HHAT: variants seen among roughly 807,000 people sequenced by gnomAD.
HHAT encodes protein-cysteine N-palmitoyltransferase HHAT.
A neutral mutation model predicts 70.8 loss-of-function variants in HHAT; 47 were observed. The ratio of observed to expected loss-of-function variants is 0.66; its 90% CI spans 0.53 to 0.85. HHAT has a LOEUF of 0.85. Among genes scored for constraint, HHAT ranks in the 40% least tolerant of loss-of-function variants. The pLI is 0.00. For missense variants in HHAT, 609 were observed against 604.8 expected, an observed-to-expected ratio of 1.01 and a Z score of -0.07; for synonymous variants, 228 against 247.6, an observed-to-expected ratio of 0.92 and a Z score of 0.74.
chr1:210,447,850 G>A (rs1025049939), intron 7 of HHAT, among the ~76,000 whole-genome samples: 1 of 152,142 alleles, frequency 6.6e-6, no homozygotes, highest in African/African-American at 2.4e-5. Context: ...CTGGGTTAAT[G>A]TGTGTCTACC....
chr1:210,509,461 T>C (rs1004575606), intron 8 of HHAT, among the ~76,000 whole-genome samples: 8 of 152,222 alleles, frequency 5.3e-5, no homozygotes, highest in African/African-American at 1.7e-4. Flanking sequence ...CTGGGGGGTC[T>C]TCTGGCTAAT....
At chr1:210,619,239 C>A (rs548706906) in intron 10 of HHAT, among the ~76,000 whole-genome samples, 2 of 152,214 alleles carry the variant, frequency 1.3e-5, no homozygotes, top group South Asian at 2.1e-4. Context: ...ACTGGTCACC[C>A]CTGCCTGAGA....
intron 10 of HHAT, chr1:210,589,565 T>G (rs751025134): frequency 1.8e-4 from 27 of 152,282 alleles, no homozygotes; most frequent in Non-Finnish European, 2.6e-4. Flanking sequence ...CAGCCCAGTC[T>G]GTAGCCCTGC....
chr1:210,653,744 G>A (rs1317059149), intron 11 of HHAT, among the ~76,000 whole-genome samples: 4 of 152,118 alleles, frequency 2.6e-5, no homozygotes, highest in Admixed American at 1.3e-4. Context: ...GTCAAAAAGA[G>A]ATTAAATTTT....
intron 9 of HHAT, among the ~76,000 whole-genome samples, chr1:210,567,472 G>C (rs980165132): frequency 2.0e-5 from 3 of 152,064 alleles, no homozygotes; most frequent in African/African-American, 7.2e-5. Flanking sequence ...CGCAGTACCT[G>C]GTTCACAGTG....
intron 7 of HHAT, among the ~76,000 whole-genome samples, chr1:210,454,515 C>A (rs1368759954): frequency 6.6e-6 from 1 of 152,206 alleles, no homozygotes; most frequent in Non-Finnish European, 1.5e-5. Flanking sequence ...GATCGTGCCA[C>A]TGCACTCCAG....
intron 1 of HHAT, among the ~76,000 whole-genome samples, chr1:210,338,176 C>T (rs1425576375): frequency 9.5e-6 from 1 of 105,454 alleles, no homozygotes; most frequent in Non-Finnish European, 1.9e-5. Context: ...GTGAGACCCG[C>T]CCCCATTTAA....
intron 3 of HHAT, among the ~76,000 whole-genome samples, chr1:210,364,764 C>G (rs2088731656): frequency 6.6e-6 from 1 of 152,240 alleles, no homozygotes; most frequent in African/African-American, 2.4e-5. Context: ...AGAGATGACC[C>G]CTTCTCAGTG....
intron 3 of HHAT, among the ~76,000 whole-genome samples, chr1:210,376,205 C>T (rs999546885): frequency 4.0e-5 from 6 of 151,728 alleles, no homozygotes; most frequent in African/African-American, 1.5e-4. Flanking sequence ...GCTATTAAGC[C>T]CATCTAGTAA....
chr1:210,618,316 T>C (rs557536560), intron 10 of HHAT, among the ~76,000 whole-genome samples: 2 of 152,308 alleles, frequency 1.3e-5, no homozygotes, highest in Admixed American at 1.3e-4. Context: ...TTACAGTCTG[T>C]GGGGTGTTCA....
chr1:210,404,575 G>A lies in HHAT; in HGVS notation c.580G>A (p.Ala194Thr). The A allele has an allele frequency of 1.9e-6, 3 of 1,614,058 alleles. No individual in the cohort carries two copies. In the East Asian group the frequency reaches 6.7e-5, roughly 36 times the overall value. ...SLELCWQQLP[A>T]ASTSYSFPWM... ...GGAGCTCTGCTGGCAGCAGCTGCCT[G>A]CTGCATCGACCTCCTACTCCTTTCC... Residue 194 changes from alanine (A) to threonine (T), a missense_variant, in exon 6 of 12, where the codon GCT becomes ACT. Transcript: ENST00000261458.
chr1:210,436,402 G>T (rs1297618215), intron 7 of HHAT, among the ~76,000 whole-genome samples: 1 of 151,518 alleles, frequency 6.6e-6, no homozygotes, highest in East Asian at 1.9e-4. Flanking sequence ...ATAGTGTGAT[G>T]CCTTCAACTT....
At chr1:210,594,044 C>T (rs1449251344) in intron 10 of HHAT, among the ~76,000 whole-genome samples, 1 of 152,014 alleles carries the variant, frequency 6.6e-6, no homozygotes, top group East Asian at 1.9e-4. Flanking sequence ...TCTTTACTTT[C>T]AGTCTATGTG....
chr1:210,346,908 CAT>C (rs2086572338), intron 1 of HHAT, among the ~76,000 whole-genome samples: 1 of 152,164 alleles, frequency 6.6e-6, no homozygotes, highest in Non-Finnish European at 1.5e-5. Flanking sequence ...TGTTTACTCA[CAT>C]ATTTAGACAA....
At chr1:210,336,220 A>T (rs530311369) in intron 1 of HHAT, among the ~76,000 whole-genome samples, 1 of 151,076 alleles carries the variant, frequency 6.6e-6, no homozygotes. Flanking sequence ...CCTGGGCTCA[A>T]GCGATCCTGT....
At chr1:210,475,389 C>T (rs1356316944) in intron 8 of HHAT, among the ~76,000 whole-genome samples, 1 of 152,168 alleles carries the variant, frequency 6.6e-6, no homozygotes, top group African/African-American at 2.4e-5. Flanking sequence ...TTCACTCTGC[C>T]TAACTACATT....
At chr1:210,574,237 A>C (rs1657094687) in intron 9 of HHAT, among the ~76,000 whole-genome samples, 1 of 152,204 alleles carries the variant, frequency 6.6e-6, no homozygotes, top group African/African-American at 2.4e-5. Context: ...GTGAATGTTA[A>C]ACCCATTTTG....
chr1:210,587,957 C>G lies in HHAT; in HGVS notation c.1103C>G (p.Thr368Arg), dbSNP rs761470224. 10 of 1,614,110 alleles carry G rather than the reference C, an allele frequency of 6.2e-6. No homozygotes were observed. Among genetic ancestry groups the G allele is most frequent in the Non-Finnish European group, 8.5e-6 (10 of 1,180,002 alleles). The change falls in exon 10 of 12, where the codon ACG (threonine) becomes AGG (arginine). Residue 368 changes from threonine (T) to arginine (R), a missense_variant. By Grantham distance (71) the Thr-to-Arg change is moderately conservative (BLOSUM62 -1). Transcript: ENST00000261458. ...QHGLLGTLFS[T>R]AMTFAFVSYW... The stretch of plus-strand genomic sequence containing the variant: ...GGCCTGCTGGGGACACTGTTTTCCA[C>G]GGCGATGACATTTGCATTTGTGAGC...
intron 1 of HHAT, among the ~76,000 whole-genome samples, chr1:210,331,257 T>C (rs4844999): frequency 1.3e-5 from 2 of 151,242 alleles, no homozygotes; most frequent in African/African-American, 4.9e-5. Context: ...TCTGGGGGGG[T>C]GTGTTGGTAG....
Sources: gnomAD v4.1 joint callset for allele counts (sites outside exome capture counted in the v4.1 genomes callset) on GRCh38, gnomAD v4.1.1 for gene constraint, MANE v1.5 for transcripts, NCBI Gene and HGNC (gene_info 2026-07-23, HGNC 2026-07-21) for gene names.